Variants in SCAPER observed in about 807,000 individuals in gnomAD.
SCAPER encodes S phase cyclin A-associated protein in the endoplasmic reticulum.
A neutral mutation model predicts 182.2 loss-of-function variants in SCAPER; 98 were observed. The observed-to-expected ratio is 0.54, with a 90% confidence interval of 0.46 to 0.64. The LOEUF is 0.64. Among genes scored for constraint, SCAPER ranks in the 30% least tolerant of loss-of-function variants. The pLI, the probability that SCAPER is intolerant of heterozygous loss-of-function variation, is 0.00. For synonymous variants in SCAPER, 605 were observed against 564.6 expected (o/e 1.07, Z -1.01); for missense variants, 1,432 against 1,690.0 (o/e 0.85, Z 2.68).
At chr15:76,638,869 GAATT>G (rs768728840) in intron 21 of SCAPER, among the ~76,000 whole-genome samples, 9 of 152,124 alleles carry the variant, frequency 5.9e-5, no homozygotes, top group Admixed American at 1.3e-4. Flanking sequence ...CACTTTACAT[GAATT>G]AATTTATTTA....
At chr15:76,499,684 C>A (rs1427145952) in intron 24 of SCAPER, among the ~76,000 whole-genome samples, 1 of 152,150 alleles carries the variant, frequency 6.6e-6, no homozygotes, top group Non-Finnish European at 1.5e-5. Context: ...GAACTATTCT[C>A]TAACCCATTT....
intron 25 of SCAPER, among the ~76,000 whole-genome samples, chr15:76,443,223 G>GA (rs578171412): frequency 4.3e-4 from 65 of 152,156 alleles, no homozygotes; most frequent in Admixed American, 1.0e-3. Context: ...TGTGTATTTT[G>GA]AAAAAACTAT....
chr15:76,837,255 A>G (rs192002716), intron 5 of SCAPER, among the ~76,000 whole-genome samples: 40 of 152,340 alleles, frequency 2.6e-4, no homozygotes, highest in Admixed American at 5.9e-4. Context: ...AAACAAAGAC[A>G]TAACACAGCC....
chr15:76,662,724 A>T (rs1361159155), intron 21 of SCAPER, among the ~76,000 whole-genome samples: 1 of 152,152 alleles, frequency 6.6e-6, no homozygotes, highest in African/African-American at 2.4e-5. Flanking sequence ...TGGAAAAGAA[A>T]AATCTTTTCA....
intron 22 of SCAPER, among the ~76,000 whole-genome samples, chr15:76,590,600 T>G (rs1309008149): frequency 6.6e-6 from 1 of 152,188 alleles, no homozygotes; most frequent in Non-Finnish European, 1.5e-5. Context: ...GAATGTAAAT[T>G]AGCACAACCT....
intron 27 of SCAPER, among the ~76,000 whole-genome samples, chr15:76,394,569 G>A (rs2043923165): frequency 6.6e-6 from 1 of 152,128 alleles, no homozygotes; most frequent in Non-Finnish European, 1.5e-5. Flanking sequence ...CTCTTACCTG[G>A]ACAACTGTTA....
At chr15:76,419,827 CAT>C (rs1487499830) in intron 26 of SCAPER, among the ~76,000 whole-genome samples, 1 of 152,150 alleles carries the variant, frequency 6.6e-6, no homozygotes, top group African/African-American at 2.4e-5. Context: ...ACCAGACAAA[CAT>C]GTAACAAAAG....
At chr15:76,454,938 G>C (rs2048620279) in intron 25 of SCAPER, among the ~76,000 whole-genome samples, 1 of 151,992 alleles carries the variant, frequency 6.6e-6, no homozygotes, top group East Asian at 1.9e-4. Flanking sequence ...TTAGTCTGGT[G>C]AGTTATATTT....
intron 30 of SCAPER, among the ~76,000 whole-genome samples, chr15:76,351,568 C>T (rs2040550940): frequency 1.3e-5 from 2 of 152,158 alleles, no homozygotes; most frequent in African/African-American, 4.8e-5. Context: ...AATTTACTAT[C>T]TTAAAATATC....
chr15:76,574,018 A>G, intron 23 of SCAPER, 140 bp downstream of exon 23: 1 of 830,860 alleles, frequency 1.2e-6, no homozygotes, highest in East Asian at 3.6e-5. Context: ...AAGTAAAAAA[A>G]AAAATTCATC....
intron 23 of SCAPER, among the ~76,000 whole-genome samples, chr15:76,573,022 C>T (rs2047560649): frequency 6.6e-6 from 1 of 151,750 alleles, no homozygotes; most frequent in Non-Finnish European, 1.5e-5. Context: ...CAGAGAAAAG[C>T]AGTGACAAAC....
chr15:76,539,670 C>T (rs1042754823), intron 23 of SCAPER, among the ~76,000 whole-genome samples: 11 of 151,886 alleles, frequency 7.2e-5, no homozygotes, highest in African/African-American at 1.4e-4. Flanking sequence ...CTCAGCCTCC[C>T]GAGTAGCTGG....
In SCAPER at chr15:76,410,081, T is replaced by A. The variant is rs149545009; in HGVS notation, c.3312-5402A>T. Among the ~76,000 whole-genome samples the A allele has an allele frequency of 6.2e-4, 94 of 152,078 alleles. No homozygotes were observed. In the East Asian group the frequency reaches 0.011, roughly 18 times the overall value. ...GTGCTGGGATTATAGGCATGAGCCATGGCATCCGGCCTACTTCTTTTCTGA... is the reference window on the plus strand; with the variant it reads ...GTGCTGGGATTATAGGCATGAGCCAAGGCATCCGGCCTACTTCTTTTCTGA... On this transcript the variant is annotated intron_variant, in intron 26 of 31. Transcript: ENST00000563290.
intron 5 of SCAPER, among the ~76,000 whole-genome samples, chr15:76,829,293 T>A (rs1034624625): frequency 6.6e-6 from 1 of 152,146 alleles, no homozygotes; most frequent in African/African-American, 2.4e-5. Flanking sequence ...TAATGGATTC[T>A]GGGGACTCAG....
At chr15:76,797,266 T>C (rs1489663143) in intron 7 of SCAPER, 1 of 152,152 alleles carries the variant, frequency 6.6e-6, no homozygotes, top group Non-Finnish European at 1.5e-5. Flanking sequence ...TCTAAAGAAG[T>C]AGAGTCCAAA....
intron 25 of SCAPER, among the ~76,000 whole-genome samples, chr15:76,464,351 A>T (rs1217827090): frequency 1.3e-5 from 2 of 152,024 alleles, no homozygotes; most frequent in African/African-American, 4.8e-5. Context: ...TTCTTTTTTA[A>T]GGTTGATTAA....
At chr15:76,539,545 CTTTTTT>C (rs36086361) in intron 23 of SCAPER, among the ~76,000 whole-genome samples, 5 of 119,414 alleles carry the variant, frequency 4.2e-5, no homozygotes, top group Non-Finnish European at 8.5e-5. Flanking sequence ...ATCAAAATTT[CTTTTTT>C]TTTTTTTTTT....
chr15:76,404,970 TAAC>T (rs1321671557), intron 26 of SCAPER, among the ~76,000 whole-genome samples: 1 of 152,290 alleles, frequency 6.6e-6, no homozygotes, highest in Non-Finnish European at 1.5e-5. Flanking sequence ...CTAAAGAGTC[TAAC>T]AACAAGTGAA....
intron 15 of SCAPER, among the ~76,000 whole-genome samples, chr15:76,735,996 T>C (rs1334903543): frequency 6.6e-6 from 1 of 152,158 alleles, no homozygotes; most frequent in Non-Finnish European, 1.5e-5. Flanking sequence ...TGTTTTTTAA[T>C]GGGTGATTGT....
Sources: allele counts gnomAD v4.1 joint callset (sites outside exome capture counted in the v4.1 genomes callset), GRCh38; gene constraint gnomAD v4.1.1; transcripts MANE v1.5; gene names NCBI Gene and HGNC (gene_info 2026-07-23, HGNC 2026-07-21).